LINGO2: variants seen among roughly 807,000 people sequenced by gnomAD.
LINGO2 encodes leucine rich repeat and Ig domain containing 2, also known as leucine-rich repeat and immunoglobulin-like domain-containing nogo receptor-interacting protein 2.
LINGO2 carries 14 observed loss-of-function variants against 30.6 expected under a neutral mutation model. The observed-to-expected ratio is 0.46, with a 90% confidence interval of 0.30 to 0.72. The LOEUF is 0.72. Among genes scored for constraint, LINGO2 ranks in the 30% least tolerant of loss-of-function variants. The probability of loss-of-function intolerance (pLI) is 0.07; values close to 1 mark genes in which losing one functional copy is unlikely to be tolerated. For missense variants in LINGO2, 729 were observed against 751.7 expected, an observed-to-expected ratio of 0.97 and a Z score of 0.35; for synonymous variants, 317 against 288.5, an observed-to-expected ratio of 1.10 and a Z score of -1.00.
At chr9:28,978,531 T>A in the LINGO2 span, among the ~76,000 whole-genome samples, 1 of 152,082 alleles carries the variant, frequency 6.6e-6, no homozygotes, top group Admixed American at 6.6e-5. Context: ...TAGAGATTGC[T>A]GACAGGAAAA....
intron 1 of LINGO2, among the ~76,000 whole-genome samples, chr9:28,553,585 T>G (rs1307017624): frequency 6.6e-6 from 1 of 152,052 alleles, no homozygotes; most frequent in African/African-American, 2.4e-5. Context: ...CAGGATATTA[T>G]CCAGGAGAAC....
At chr9:29,208,512 T>C in the LINGO2 span, among the ~76,000 whole-genome samples, 85 of 152,090 alleles carry the variant, frequency 5.6e-4, no homozygotes, top group African/African-American at 1.9e-3. Context: ...CACATGTTAA[T>C]ATCTCATTCA....
the LINGO2 span, among the ~76,000 whole-genome samples, chr9:29,200,320 C>A: frequency 7.9e-5 from 12 of 151,970 alleles, no homozygotes; most frequent in Admixed American, 1.3e-4. Flanking sequence ...AGAGTGATAA[C>A]CCCTTATAGT....
At chr9:29,024,369 T>A in the LINGO2 span, among the ~76,000 whole-genome samples, 1 of 152,116 alleles carries the variant, frequency 6.6e-6, no homozygotes, top group African/African-American at 2.4e-5. Flanking sequence ...TTATTCATCA[T>A]TTCATTACTA....
chr9:28,545,433 C>A (rs1821887662), intron 1 of LINGO2, among the ~76,000 whole-genome samples: 1 of 151,990 alleles, frequency 6.6e-6, no homozygotes, highest in African/African-American at 2.4e-5. Flanking sequence ...CCATTTGCAA[C>A]TTATGAAAGA....
chr9:28,931,236 T>C, the LINGO2 span, among the ~76,000 whole-genome samples: 112,334 of 152,114 alleles, frequency 0.74, 41,638 homozygotes, highest in Non-Finnish European at 0.78. Context: ...CAGTTTTGAG[T>C]ACGTGAAAAC....
intron 1 of LINGO2, among the ~76,000 whole-genome samples, chr9:28,491,457 T>G (rs1256017924): frequency 6.6e-6 from 1 of 152,194 alleles, no homozygotes; most frequent in African/African-American, 2.4e-5. Flanking sequence ...TGTTACCAAA[T>G]AGAGTAACAT....
At chr9:28,895,045 T>C in the LINGO2 span, among the ~76,000 whole-genome samples, 3 of 152,208 alleles carry the variant, frequency 2.0e-5, no homozygotes, top group Admixed American at 2.0e-4. Flanking sequence ...TCAGTAATTA[T>C]CTATTTTACT....
intron 4 of LINGO2, among the ~76,000 whole-genome samples, chr9:28,194,958 T>G (rs1477538588): frequency 6.6e-6 from 1 of 151,918 alleles, no homozygotes; most frequent in African/African-American, 2.4e-5. Flanking sequence ...CTGAAACATA[T>G]TAGTAGTAGA....
intron 4 of LINGO2, among the ~76,000 whole-genome samples, chr9:28,174,836 A>C (rs1338081731): frequency 6.6e-6 from 1 of 151,900 alleles, no homozygotes; most frequent in African/African-American, 2.4e-5. Context: ...TATCTTTGGG[A>C]TGAATTCCTA....
intron 3 of LINGO2, among the ~76,000 whole-genome samples, chr9:28,359,403 AC>A (rs1820356343): frequency 6.6e-6 from 1 of 152,232 alleles, no homozygotes; most frequent in South Asian, 2.1e-4. Flanking sequence ...CACAAAACAA[AC>A]AAAAAGAAAA....
At chr9:28,950,159 G>A in the LINGO2 span, among the ~76,000 whole-genome samples, 1 of 152,160 alleles carries the variant, frequency 6.6e-6, no homozygotes, top group Non-Finnish European at 1.5e-5. Context: ...GATTATTTCA[G>A]TAGATGCAGA....
At chr9:28,994,813 C>T in the LINGO2 span, among the ~76,000 whole-genome samples, 1 of 152,136 alleles carries the variant, frequency 6.6e-6, no homozygotes, top group African/African-American at 2.4e-5. Context: ...ACTGGCTAGC[C>T]ATATGTAGAA....
the LINGO2 span, among the ~76,000 whole-genome samples, chr9:28,983,866 G>C: frequency 2.0e-5 from 3 of 151,938 alleles, no homozygotes; most frequent in African/African-American, 7.2e-5. Context: ...TAACAATGCT[G>C]ATTAAAAAGA....
At chr9:28,260,832 T>C (rs1822539640) in intron 4 of LINGO2, among the ~76,000 whole-genome samples, 2 of 152,122 alleles carry the variant, frequency 1.3e-5, no homozygotes, top group South Asian at 4.1e-4. Flanking sequence ...CTCTGCAATG[T>C]GGTTGATGCT....
chr9:28,049,255 T>TACAA (rs1824561537), intron 4 of LINGO2, among the ~76,000 whole-genome samples: 1 of 150,854 alleles, frequency 6.6e-6, no homozygotes, highest in South Asian at 2.1e-4. Flanking sequence ...CTTTTGTATA[T>TACAA]ACAAGAATAA....
At chr9:28,839,943 G>A in the LINGO2 span, among the ~76,000 whole-genome samples, 1 of 152,098 alleles carries the variant, frequency 6.6e-6, no homozygotes, top group East Asian at 1.9e-4. Context: ...GTGCTCATCA[G>A]TGCCCAAAGT....
chr9:28,548,110 A>C (rs1449655699), intron 1 of LINGO2, among the ~76,000 whole-genome samples: 1 of 152,126 alleles, frequency 6.6e-6, no homozygotes, highest in Non-Finnish European at 1.5e-5. Flanking sequence ...GATGTTAAGG[A>C]AACTTTCCTT....
chr9:28,324,742 C>T (rs1275562769), intron 3 of LINGO2, among the ~76,000 whole-genome samples: 1 of 152,142 alleles, frequency 6.6e-6, no homozygotes, highest in African/African-American at 2.4e-5. Context: ...TTGGCCACCC[C>T]TTCCCCAGAA....
Sources: gnomAD v4.1 joint callset for allele counts (sites outside exome capture counted in the v4.1 genomes callset) on GRCh38, gnomAD v4.1.1 for gene constraint, MANE v1.5 for transcripts, NCBI Gene and HGNC (gene_info 2026-07-23, HGNC 2026-07-21) for gene names.